The following COL11A2 variants were observed in gnomAD, a reference collection of about 807,000 sequenced individuals.
The protein encoded by COL11A2 is collagen alpha-2(XI) chain.
In COL11A2, 116 loss-of-function variants were observed where a neutral mutation model predicts 273.4. That is an observed-to-expected ratio of 0.42 (90% CI 0.36 to 0.49). The LOEUF (loss-of-function observed/expected upper bound fraction) is 0.49, where lower values mean the gene tolerates loss of function less well. COL11A2 is among the 20% of genes least tolerant of loss of function. COL11A2 has a pLI of 0.00. For missense variants in COL11A2, 1,866 were observed against 2,309.0 expected (o/e 0.81, Z 3.93); for synonymous variants, 782 against 864.2 (o/e 0.90, Z 1.67).
Position 33,164,710 on chromosome 6 carries a change from G to A in COL11A2, c.4863+142C>T, listed in dbSNP as rs1311021736. The A allele has an allele frequency of 4.7e-5, 35 of 751,724 alleles. No individual in the cohort carries two copies. In the South Asian group the frequency reaches 5.9e-4, roughly 13 times the overall value. The allele number at this position is 751,724 out of a possible 1,614,324, so 46.6% of individuals were successfully genotyped here. On this transcript the variant is annotated intron_variant, in intron 64 of 65. Coordinates refer to ENST00000341947, the MANE Select transcript of COL11A2 (RefSeq NM_080680.3). The surrounding 1 kb of genome is among the most constrained non-coding windows in gnomAD (Gnocchi z 4.7). Reference sequence around the variant, plus strand: ...AGAGGACCGGTGAAAAGGAAAAGAAGAAAGAGCTAAGAAGTGGAGAAGGGG... The same window carrying A: ...AGAGGACCGGTGAAAAGGAAAAGAAAAAAGAGCTAAGAAGTGGAGAAGGGG...
rs936070775 is a variant in COL11A2 at position 33,169,229 on chromosome 6, A to G, written c.3798+154T>C. ...CTCTCACTTTCTCTCCGGATCCTAG[A>G]CCCCAGGCATCCCTCTGGATGCCCC... On this transcript the variant is annotated intron_variant, in intron 51 of 65. Coordinates refer to ENST00000341947, the MANE Select transcript of COL11A2 (RefSeq NM_080680.3). This position sits in a 1 kb window ranked among gnomAD's most constrained non-coding sequence, Gnocchi z 5.5. 6.6e-6 allele frequency among the ~76,000 whole-genome samples: 1 copy of G among 151,754 alleles called. No homozygotes were observed. The highest frequency in any genetic ancestry group is 6.6e-5 in the Admixed American group (1 of 15,232).
intron 11 of COL11A2, 95 bp downstream of exon 11, chr6:33,180,573 C>T: frequency 8.2e-7 from 1 of 1,217,450 alleles, no homozygotes; most frequent in Non-Finnish European, 1.2e-6. Flanking sequence ...CATTAACAAG[C>T]CACCTAACAG....
Position 33,192,319 on chromosome 6 carries a change from A to G in COL11A2, c.-79T>C, listed in dbSNP as rs1773232423. ...GGATGCCCTGAGGCTGACAGAAGACAGGGAGCAGACTATGAGCCTCAGACG... is the reference window on the plus strand; with the variant it reads ...GGATGCCCTGAGGCTGACAGAAGACGGGGAGCAGACTATGAGCCTCAGACG... On this transcript the variant is annotated 5_prime_UTR_variant, in exon 1 of 66. Transcript: ENST00000341947. The G allele has an allele frequency of 7.3e-7, 1 of 1,375,180 alleles. No homozygotes were observed. 85.2% of individuals were successfully genotyped at this position (1,375,180 alleles called of 1,614,324 possible). A position where few individuals can be genotyped will look rare whatever the true frequency, so the allele number is the denominator to read the frequency against.
In COL11A2 at chr6:33,171,316, C is replaced by T. The variant is rs781462105; in HGVS notation, c.3267G>A (p.Val1089=). 1.4e-5 allele frequency: 22 copies of T among 1,614,072 alleles called. No individual in the cohort carries two copies. Among genetic ancestry groups the T allele is most frequent in the Non-Finnish European group, 1.8e-5 (21 of 1,180,030 alleles). The change falls in exon 44 of 66, where the codon GTG becomes GTA. Residue 1089 remains valine (V), a synonymous_variant. Transcript: ENST00000341947. ...VAGEDGDKGE[V]GDPGQKGTKG... The stretch of plus-strand genomic sequence containing the variant: ...TGGTGCCCTTCTGTCCGGGGTCCCC[C>T]ACCTCACCCTGGGAGGAGAAGGCAG...
Position 33,186,538 on chromosome 6 carries a change from G to C in COL11A2, c.798+89C>G, listed in dbSNP as rs748579873. 4.4e-6 allele frequency: 7 copies of C among 1,608,736 alleles called. 1 individual carries two copies. The South Asian group carries it at 7.7e-5, about 18-fold the overall frequency. On this transcript the variant is annotated intron_variant, in intron 5 of 65. Coordinates refer to ENST00000341947, the MANE Select transcript of COL11A2 (RefSeq NM_080680.3). Reference sequence around the variant, plus strand: ...GGGGTGATGGGAATAGGGAGATGAGGGTGGGGAGGACAACTAAGGAGGAGA... The same window carrying C: ...GGGGTGATGGGAATAGGGAGATGAGCGTGGGGAGGACAACTAAGGAGGAGA...
chr6:33,175,902 C>T (rs1770827469), intron 29 of COL11A2, 114 bp downstream of exon 29: 1 of 1,354,300 alleles, frequency 7.4e-7, no homozygotes, highest in Non-Finnish European at 1.1e-6. Context: ...CAAGGGAACA[C>T]AGCACTGGAA....
Position 33,176,643 on chromosome 6 carries a change from A to C in COL11A2, c.2115+78T>G. On this transcript the variant is annotated intron_variant, in intron 26 of 65. Transcript: ENST00000341947. This position sits in a 1 kb window ranked among gnomAD's most constrained non-coding sequence, Gnocchi z 4.9. ...GGCAGAGCCATATGAATAATGAGAC[A>C]AGGGAATCCCAAGGACTTTGAGGCT... 1 of 1,471,434 alleles carries C rather than the reference A, an allele frequency of 6.8e-7. No individual in the cohort carries two copies. Among genetic ancestry groups the C allele is most frequent in the Admixed American group, 1.8e-5 (1 of 54,980 alleles). 91.1% of individuals were successfully genotyped at this position (1,471,434 alleles called of 1,614,324 possible). A position where few individuals can be genotyped will look rare whatever the true frequency, so the allele number is the denominator to read the frequency against.
intron 54 of COL11A2, 107 bp downstream of exon 54, chr6:33,168,412 A>G (rs941270245): frequency 7.5e-5 from 93 of 1,238,338 alleles, no homozygotes; most frequent in Admixed American, 6.3e-4. Context: ...ACCCAGGGCA[A>G]TGCAGACACC....
chr6:33,179,603 C>A lies in COL11A2; in HGVS notation c.1446+116G>T. ...CCTCATCCACTGCCCAGGATTCTCC[C>A]CAACCTCCCTGTTAACCCCAAACCA... On this transcript the variant is annotated intron_variant, in intron 13 of 65. Coordinates refer to ENST00000341947, the MANE Select transcript of COL11A2 (RefSeq NM_080680.3). The surrounding 1 kb of genome is among the most constrained non-coding windows in gnomAD (Gnocchi z 6.4). The A allele has an allele frequency of 6.8e-7, 1 of 1,462,012 alleles. No homozygotes were observed. 90.6% of individuals were successfully genotyped at this position (1,462,012 alleles called of 1,614,324 possible).
In COL11A2 at chr6:33,164,313, C is replaced by T. The variant is rs1259884212; in HGVS notation, c.5024G>A (p.Ser1675Asn). The change falls in exon 65 of 66, where the codon AGC (serine) becomes AAC (asparagine). Residue 1675 changes from serine (S) to asparagine (N), a missense_variant. By Grantham distance (46) the Ser-to-Asn change is conservative. Coordinates refer to ENST00000341947, the MANE Select transcript of COL11A2 (RefSeq NM_080680.3). This position sits in a 1 kb window ranked among gnomAD's most constrained non-coding sequence, Gnocchi z 4.7. ...RLRGANEDEL[S>N]PETSPYVKEF... ...TTTGACATAGGGGCTAGTCTCCGGG[C>T]TCAGCTCATCCTCATTGGCCCCACG... 6.2e-7 allele frequency: 1 copy of T among 1,613,018 alleles called. No homozygotes were observed. Among genetic ancestry groups the T allele is most frequent in the Admixed American group, 1.7e-5 (1 of 60,008 alleles).
intron 1 of COL11A2, among the ~76,000 whole-genome samples, chr6:33,191,681 A>G (rs1402242663): frequency 1.3e-5 from 2 of 152,236 alleles, no homozygotes; most frequent in East Asian, 1.9e-4. Flanking sequence ...CAGGAGGCCA[A>G]TGAGACAGGT....
In COL11A2 at chr6:33,164,903, G is replaced by A. The variant is rs1244875580; in HGVS notation, c.4812C>T (p.Asn1604=). The change falls in exon 64 of 66, where the codon AAC becomes AAT. Residue 1604 remains asparagine (N), a synonymous_variant. Coordinates refer to ENST00000341947, the MANE Select transcript of COL11A2 (RefSeq NM_080680.3). This position sits in a 1 kb window ranked among gnomAD's most constrained non-coding sequence, Gnocchi z 4.7. ...CACAGGTCTCACCCCCTGCTGTGAA[G>A]TTGCAGAAAACTCGGAAGGCATCCC... is the stretch of plus-strand genomic sequence containing the variant. The part of the protein sequence containing the change: ...CARDAFRVFC[N]FTAGGETCVT... 6.3e-7 allele frequency: 1 copy of A among 1,580,166 alleles called. No homozygotes were observed. Among genetic ancestry groups the A allele is most frequent in the East Asian group, 2.3e-5 (1 of 43,604 alleles).
In COL11A2 at chr6:33,177,534, A is replaced by C. The variant is rs1170353595; in HGVS notation, c.1918-69T>G. The C allele has an allele frequency of 1.3e-5, 20 of 1,590,476 alleles. No homozygotes were observed. The highest frequency in any genetic ancestry group is 1.7e-5 in the Non-Finnish European group (20 of 1,161,118). Reference sequence around the variant, plus strand: ...AGAACACATTTAGAGCATGGAGCTGAGTCCCAGCAGCGATAGCCAAGAAGG... The same window carrying C: ...AGAACACATTTAGAGCATGGAGCTGCGTCCCAGCAGCGATAGCCAAGAAGG... On this transcript the variant is annotated intron_variant, in intron 22 of 65. Coordinates refer to ENST00000341947, the MANE Select transcript of COL11A2 (RefSeq NM_080680.3). The surrounding 1 kb of genome is among the most constrained non-coding windows in gnomAD (Gnocchi z 5.9).
Position 33,177,994 on chromosome 6 carries a change from TG to T in COL11A2, c.1872+137del. The T allele has an allele frequency of 2.0e-6, 2 of 979,882 alleles. No individual in the cohort carries two copies. Among genetic ancestry groups the T allele is most frequent in the Non-Finnish European group, 3.1e-6 (2 of 645,930 alleles). The allele number at this position is 979,882 out of a possible 1,614,324, so 60.7% of individuals were successfully genotyped here. ...GAGCGAATGCTGAGGCAGGGCAGTG[TG>T]GGGCCAGAGCAGGGGGAGCTCACAG... On this transcript the variant is annotated intron_variant, in intron 21 of 65. Transcript: ENST00000341947. This position sits in a 1 kb window ranked among gnomAD's most constrained non-coding sequence, Gnocchi z 5.9.
Position 33,164,748 on chromosome 6 carries a change from G to C in COL11A2, c.4863+104C>G, listed in dbSNP as rs1178128146. 7.0e-6 allele frequency: 7 copies of C among 1,004,908 alleles called. No homozygotes were observed. The highest frequency in any genetic ancestry group is 5.7e-5 in the South Asian group (4 of 70,716). The allele number at this position is 1,004,908 out of a possible 1,614,324, so 62.2% of individuals were successfully genotyped here. A position where few individuals can be genotyped will look rare whatever the true frequency, so the allele number is the denominator to read the frequency against. ...AGTGGAGAAGGGGTGGCAGGCTCCG[G>C]GGGGGGCAACAGCCAGGGGACTGTC... On this transcript the variant is annotated intron_variant, in intron 64 of 65. Transcript: ENST00000341947. This position sits in a 1 kb window ranked among gnomAD's most constrained non-coding sequence, Gnocchi z 4.7.
In COL11A2 at chr6:33,166,878, T is replaced by G. The variant is rs191956512; in HGVS notation, c.4231-51A>C. ...AGAATGCAAAGAGGAGTCATGTGGA[T>G]GGGGGAGAAGGGCCAAGAGGACATG... is the stretch of plus-strand genomic sequence containing the variant. On this transcript the variant is annotated intron_variant, in intron 58 of 65. Coordinates refer to ENST00000341947, the MANE Select transcript of COL11A2 (RefSeq NM_080680.3). This position sits in a 1 kb window ranked among gnomAD's most constrained non-coding sequence, Gnocchi z 4.8. The G allele has an allele frequency of 1.5e-4, 232 of 1,590,298 alleles. 1 individual carries two copies. The East Asian group carries it at 4.9e-3, about 34-fold the overall frequency.
intron 7 of COL11A2, 66 bp downstream of exon 7, chr6:33,184,926 G>T: frequency 2.2e-6 from 3 of 1,350,530 alleles, no homozygotes; most frequent in Non-Finnish European, 3.1e-6. Flanking sequence ...GACGTCATGG[G>T]CTGAGGGGAG....
At chr6:33,172,451 C>G in intron 39 of COL11A2, 73 bp from the exon 40 acceptor site, 3 of 1,563,170 alleles carry the variant, frequency 1.9e-6, no homozygotes, top group Non-Finnish European at 2.6e-6. Context: ...AGCCCCCCCT[C>G]AAATCTCCAA....
At chr6:33,187,549 G>C (rs1772587128) in intron 4 of COL11A2, among the ~76,000 whole-genome samples, 1 of 152,104 alleles carries the variant, frequency 6.6e-6, no homozygotes, top group African/African-American at 2.4e-5. Context: ...ATGGGTGGCT[G>C]GGGGCTTACA....
Sources: allele counts gnomAD v4.1 joint callset (sites outside exome capture counted in the v4.1 genomes callset), GRCh38; gene constraint gnomAD v4.1.1; non-coding constraint Gnocchi (gnomAD v3.1); transcripts MANE v1.5; gene names NCBI Gene and HGNC (gene_info 2026-07-23, HGNC 2026-07-21).